The following PRKN variants were observed in gnomAD, a reference collection of about 807,000 sequenced individuals.
PRKN encodes the protein E3 ubiquitin-protein ligase parkin.
Under a neutral mutation model 59.5 loss-of-function variants are expected in PRKN, and 56 were observed. That is an observed-to-expected ratio of 0.94 (90% CI 0.76 to 1.18). The LOEUF (loss-of-function observed/expected upper bound fraction) is 1.18, where lower values mean the gene tolerates loss of function less well. Ranked by LOEUF, PRKN falls within the 50% of genes most tolerant of loss-of-function variation. PRKN has a pLI of 0.00. For missense variants in PRKN, 657 were observed against 596.4 expected (o/e 1.10, Z -1.06); for synonymous variants, 250 against 222.1 (o/e 1.13, Z -1.12).
chr6:161,740,921 A>C (rs1241650352), intron 7 of PRKN, among the ~76,000 whole-genome samples: 1 of 152,214 alleles, frequency 6.6e-6, no homozygotes, highest in South Asian at 2.1e-4. Flanking sequence ...TATGCACAAA[A>C]TTGTCTCACT....
At chr6:161,900,858 A>T (rs1357584268) in intron 6 of PRKN, among the ~76,000 whole-genome samples, 191 of 142,560 alleles carry the variant, frequency 1.3e-3, no homozygotes, top group African/African-American at 4.8e-3. Context: ...TTACATATAT[A>T]ATATATAATA....
chr6:161,634,687 T>C (rs1582921671), intron 7 of PRKN, among the ~76,000 whole-genome samples: 1 of 152,076 alleles, frequency 6.6e-6, no homozygotes, highest in East Asian at 1.9e-4. Flanking sequence ...AGCCGTGGAA[T>C]TTACCTGGAG....
chr6:162,110,329 G>A (rs530433048), intron 4 of PRKN, among the ~76,000 whole-genome samples: 12 of 152,216 alleles, frequency 7.9e-5, no homozygotes, highest in Non-Finnish European at 8.8e-5. Flanking sequence ...TGGTAGCAAC[G>A]TTTATGTCTA....
intron 2 of PRKN, among the ~76,000 whole-genome samples, chr6:162,318,727 C>T (rs1378584516): frequency 2.6e-5 from 4 of 151,852 alleles, no homozygotes; most frequent in Admixed American, 1.3e-4. Flanking sequence ...AGCTTATTGG[C>T]GTGATTATGA....
At chr6:161,955,421 G>A (rs1780134996) in intron 6 of PRKN, among the ~76,000 whole-genome samples, 1 of 151,958 alleles carries the variant, frequency 6.6e-6, no homozygotes, top group African/African-American at 2.4e-5. Context: ...AGAAAACAGA[G>A]TTACAGAGAA....
In PRKN at chr6:161,376,349, C is replaced by T. The variant is rs1191899418; in HGVS notation, c.1167+10445G>A. ...CCCACTGAACCCCTAGCTGAGATGT[C>T]CACAATGAATGTGTGTCTCCCCGAA... On this transcript the variant is annotated intron_variant, in intron 10 of 11. Coordinates refer to ENST00000366898, the MANE Select transcript of PRKN (RefSeq NM_004562.3). This position sits in a 1 kb window ranked among gnomAD's most constrained non-coding sequence, Gnocchi z 7.3. Among the ~76,000 whole-genome samples the T allele has an allele frequency of 1.3e-5, 2 of 152,202 alleles. No homozygotes were observed. Among genetic ancestry groups the T allele is most frequent in the African/African-American group, 2.4e-5 (1 of 41,446 alleles).
At chr6:161,923,712 T>A (rs552894452) in intron 6 of PRKN, among the ~76,000 whole-genome samples, 1 of 152,272 alleles carries the variant, frequency 6.6e-6, no homozygotes, top group South Asian at 2.1e-4. Flanking sequence ...TTTGCAAACA[T>A]CACGATCCTT....
chr6:162,514,544 A>AAT (rs1446212828), intron 1 of PRKN, among the ~76,000 whole-genome samples: 1 of 152,220 alleles, frequency 6.6e-6, no homozygotes. Flanking sequence ...TTTAAGAAGC[A>AAT]AAAGTCTGGC....
Position 161,526,566 on chromosome 6 carries a change from T to A in PRKN, c.1083+22288A>T, listed in dbSNP as rs527832872. Reference sequence around the variant, plus strand: ...CTTAAATAAAATAGAAATATTAAAATATATATATAAATATAAGTAATATAA... The same window carrying A: ...CTTAAATAAAATAGAAATATTAAAAAATATATATAAATATAAGTAATATAA... On this transcript the variant is annotated intron_variant, in intron 9 of 11. Coordinates refer to ENST00000366898, the MANE Select transcript of PRKN (RefSeq NM_004562.3). This position sits in a 1 kb window ranked among gnomAD's most constrained non-coding sequence, Gnocchi z 4.1. Among the ~76,000 whole-genome samples the A allele has an allele frequency of 2.7e-5, 4 of 149,078 alleles. No homozygotes were observed. The highest frequency in any genetic ancestry group is 6.7e-5 in the Admixed American group (1 of 14,924).
intron 1 of PRKN, among the ~76,000 whole-genome samples, chr6:162,554,712 G>A (rs1290038102): frequency 6.6e-6 from 1 of 152,132 alleles, no homozygotes; most frequent in Non-Finnish European, 1.5e-5. Context: ...AGCTTGGCTG[G>A]TGTTGAGGAG....
intron 7 of PRKN, among the ~76,000 whole-genome samples, chr6:161,574,244 T>C (rs1290289244): frequency 6.6e-6 from 1 of 152,014 alleles, no homozygotes; most frequent in African/African-American, 2.4e-5. Context: ...AAACTGGAAC[T>C]GCAAGACGGG....
At chr6:161,509,186 A>G (rs1778285782) in intron 9 of PRKN, among the ~76,000 whole-genome samples, 1 of 130,676 alleles carries the variant, frequency 7.7e-6, no homozygotes, top group East Asian at 2.2e-4. Flanking sequence ...ACATTTTGGT[A>G]TCTAAAGACT....
At chr6:162,381,437 T>C (rs1479755979) in intron 2 of PRKN, among the ~76,000 whole-genome samples, 1 of 152,228 alleles carries the variant, frequency 6.6e-6, no homozygotes, top group Non-Finnish European at 1.5e-5. Flanking sequence ...CTCTAAGTGA[T>C]ACTTTTAGTA....
chr6:161,990,355 C>T lies in PRKN; in HGVS notation c.619-16938G>A, dbSNP rs1444305656. ...CTAGAATCAAAGCCAAGGTGACCTACCAAAGCAACATTATAAATACATCTG... is the reference window on the plus strand; with the variant it reads ...CTAGAATCAAAGCCAAGGTGACCTATCAAAGCAACATTATAAATACATCTG... On this transcript the variant is annotated intron_variant, in intron 5 of 11. Coordinates refer to ENST00000366898, the MANE Select transcript of PRKN (RefSeq NM_004562.3). 2.6e-5 allele frequency among the ~76,000 whole-genome samples: 4 copies of T among 151,462 alleles called. No homozygotes were observed. In the South Asian group the frequency reaches 8.4e-4, roughly 32 times the overall value.
In PRKN at chr6:162,010,432, T is replaced by C. The variant is rs1422023419; in HGVS notation, c.619-37015A>G. The stretch of plus-strand genomic sequence containing the variant: ...TTATATGTAATATACATTTATAATA[T>C]GTAATATTTATGATATATAATGTAT... On this transcript the variant is annotated intron_variant, in intron 5 of 11. Transcript: ENST00000366898. 1.6e-3 allele frequency among the ~76,000 whole-genome samples: 118 copies of C among 74,976 alleles called. 19 individuals carry two copies. Among genetic ancestry groups the C allele is most frequent in the African/African-American group, 7.2e-3 (113 of 15,652 alleles). The allele number at this position is 74,976 out of a possible 152,430, so 49.2% of individuals were successfully genotyped here.
intron 6 of PRKN, among the ~76,000 whole-genome samples, chr6:161,962,091 TG>T (rs1377779920): frequency 6.6e-6 from 1 of 152,218 alleles, no homozygotes; most frequent in African/African-American, 2.4e-5. Flanking sequence ...TCCGGGTGTC[TG>T]AAACTATTGC....
chr6:161,513,120 G>A (rs934838056), intron 9 of PRKN, among the ~76,000 whole-genome samples: 1 of 152,188 alleles, frequency 6.6e-6, no homozygotes, highest in Non-Finnish European at 1.5e-5. Flanking sequence ...CCTATTTGGC[G>A]ACTCATGAAA....
intron 9 of PRKN, among the ~76,000 whole-genome samples, chr6:161,408,349 A>G (rs1787373565): frequency 6.6e-6 from 1 of 151,674 alleles, no homozygotes; most frequent in South Asian, 2.1e-4. Flanking sequence ...CCATCAGCAT[A>G]AACTCGTCTC....
intron 1 of PRKN, chr6:162,568,523 G>A (rs1780180313): frequency 4.1e-6 from 3 of 724,092 alleles, no homozygotes; most frequent in South Asian, 3.0e-5. Context: ...AGAGACTGCT[G>A]AGCCTCCTTA....
Sources: allele counts gnomAD v4.1 joint callset (sites outside exome capture counted in the v4.1 genomes callset), GRCh38; gene constraint gnomAD v4.1.1; non-coding constraint Gnocchi (gnomAD v3.1); transcripts MANE v1.5; gene names NCBI Gene and HGNC (gene_info 2026-07-23, HGNC 2026-07-21).